The following GRIN2B variants were observed in gnomAD, a reference collection of about 807,000 sequenced individuals.
GRIN2B encodes the protein glutamate ionotropic receptor NMDA type subunit 2B, also known as glutamate receptor ionotropic, NMDA 2B.
In GRIN2B, 5 loss-of-function variants were observed where a neutral mutation model predicts 114.5. The ratio of observed to expected loss-of-function variants is 0.04; its 90% CI spans 0.02 to 0.09. The LOEUF (loss-of-function observed/expected upper bound fraction) is 0.09. GRIN2B is among the 10% of genes least tolerant of loss of function. The pLI, the probability that GRIN2B is intolerant of heterozygous loss-of-function variation, is 1.00. For synonymous variants in GRIN2B, 787 were observed against 745.1 expected (o/e 1.06, Z -0.92); for missense variants, 1,108 against 1,943.5 (o/e 0.57, Z 8.08).
At chr12:13,664,734 C>G (rs1750794381) in intron 5 of GRIN2B, among the ~76,000 whole-genome samples, 2 of 152,028 alleles carry the variant, frequency 1.3e-5, no homozygotes, top group South Asian at 4.1e-4. Context: ...TATGTAAGAT[C>G]TCAAAACTCC....
rs763445499 is a variant in GRIN2B, at chr12:13,563,932, A to G, written c.3306T>C (p.Phe1102=). ...RPASAKSRRE[F]DEIELAYRRR... is the part of the protein sequence containing the mutation. ...GACGGTAGGCCAGCTCGATCTCGTC[A>G]AACTCCCTGCGGGACTTGGCCGAGG... Residue 1102 remains phenylalanine (F), a synonymous_variant, in exon 14 of 14, where the codon TTT becomes TTC. Transcript: ENST00000609686. 51 of 1,614,148 alleles carry G rather than the reference A, an allele frequency of 3.2e-5. No homozygotes were observed. The highest frequency in any genetic ancestry group is 4.2e-5 in the Non-Finnish European group (49 of 1,180,032).
intron 5 of GRIN2B, among the ~76,000 whole-genome samples, chr12:13,638,298 C>CT (rs1233978715): frequency 1.3e-5 from 2 of 152,076 alleles, no homozygotes; most frequent in Non-Finnish European, 2.9e-5. Context: ...AGACTAGTCC[C>CT]TACAATACCT....
intron 10 of GRIN2B, among the ~76,000 whole-genome samples, chr12:13,583,314 G>T (rs142050954): frequency 9.9e-5 from 15 of 152,260 alleles, no homozygotes; most frequent in African/African-American, 3.6e-4. Context: ...CATAATTTAC[G>T]TATAGTAACT....
intron 2 of GRIN2B, among the ~76,000 whole-genome samples, chr12:13,932,178 G>C (rs1017122734): frequency 6.6e-6 from 1 of 151,974 alleles, no homozygotes; most frequent in Non-Finnish European, 1.5e-5. Context: ...TCTAGCTACT[G>C]CTCAAACATA....
At chr12:13,740,924 T>A (rs1482182654) in intron 4 of GRIN2B, among the ~76,000 whole-genome samples, 1 of 152,202 alleles carries the variant, frequency 6.6e-6, no homozygotes, top group Admixed American at 6.5e-5. Context: ...AGGTTCAGTG[T>A]GGGAAGTCTT....
intron 2 of GRIN2B, among the ~76,000 whole-genome samples, chr12:13,937,287 A>G (rs1867146568): frequency 6.6e-6 from 1 of 152,048 alleles, no homozygotes; most frequent in Non-Finnish European, 1.5e-5. Context: ...TTTGATTTTC[A>G]CTGACTTACA....
At chr12:13,962,226 G>A (rs543311504) in intron 2 of GRIN2B, among the ~76,000 whole-genome samples, 2 of 152,070 alleles carry the variant, frequency 1.3e-5, no homozygotes, top group African/African-American at 2.4e-5. Context: ...CAACTGCACC[G>A]AGGAACCAGG....
chr12:13,946,476 G>A (rs903546208), intron 2 of GRIN2B, among the ~76,000 whole-genome samples: 2 of 151,734 alleles, frequency 1.3e-5, no homozygotes, highest in Non-Finnish European at 2.9e-5. Flanking sequence ...TTATTGTAAT[G>A]TAATATATAG....
chr12:13,879,393 C>T (rs1397807952), intron 2 of GRIN2B, among the ~76,000 whole-genome samples: 2 of 151,938 alleles, frequency 1.3e-5, no homozygotes, highest in Non-Finnish European at 2.9e-5. Context: ...TCTTACAGAA[C>T]CACTGTCATT....
chr12:13,825,912 A>G (rs1407650678), intron 3 of GRIN2B, among the ~76,000 whole-genome samples: 2 of 152,264 alleles, frequency 1.3e-5, no homozygotes, highest in East Asian at 1.9e-4. Flanking sequence ...CAATCTGTCA[A>G]TATATGCCTT....
intron 4 of GRIN2B, among the ~76,000 whole-genome samples, chr12:13,752,398 TAG>T (rs1565524213): frequency 6.6e-6 from 1 of 152,234 alleles, no homozygotes; most frequent in Non-Finnish European, 1.5e-5. Flanking sequence ...TGTACATGCA[TAG>T]AGAGATATCT....
At chr12:13,640,538 C>A (rs1481423303) in intron 5 of GRIN2B, among the ~76,000 whole-genome samples, 1 of 152,130 alleles carries the variant, frequency 6.6e-6, no homozygotes, top group Non-Finnish European at 1.5e-5. Context: ...TATAGTTTGT[C>A]TTTGACTGGA....
chr12:13,758,792 G>A (rs997229945), intron 3 of GRIN2B, among the ~76,000 whole-genome samples: 7 of 152,108 alleles, frequency 4.6e-5, no homozygotes, highest in East Asian at 3.9e-4. Context: ...GCATGCCTCC[G>A]TCATCATACT....
At chr12:13,572,687 T>C (rs1010841360) in intron 10 of GRIN2B, among the ~76,000 whole-genome samples, 4 of 152,198 alleles carry the variant, frequency 2.6e-5, no homozygotes, top group East Asian at 1.9e-4. Context: ...CACCCTGCAA[T>C]GCGTAAGTCT....
chr12:13,752,803 T>C (rs1021471418), intron 4 of GRIN2B, among the ~76,000 whole-genome samples: 13 of 152,162 alleles, frequency 8.5e-5, no homozygotes, highest in African/African-American at 3.1e-4. Flanking sequence ...CGACTACAGA[T>C]CCGCATAACC....
At chr12:13,641,621 T>C (rs2136507744) in intron 5 of GRIN2B, among the ~76,000 whole-genome samples, 1 of 152,166 alleles carries the variant, frequency 6.6e-6, no homozygotes, top group East Asian at 1.9e-4. Context: ...GTCTCATCTA[T>C]GAACTTAATG....
At chr12:13,817,567 T>C (rs1864850498) in intron 3 of GRIN2B, among the ~76,000 whole-genome samples, 2 of 152,156 alleles carry the variant, frequency 1.3e-5, no homozygotes, top group African/African-American at 4.8e-5. Flanking sequence ...AAAAGCATTA[T>C]ACCTGAGAAG....
At chr12:13,909,564 C>A (rs1171932594) in intron 2 of GRIN2B, among the ~76,000 whole-genome samples, 2 of 152,210 alleles carry the variant, frequency 1.3e-5, no homozygotes, top group East Asian at 3.8e-4. Flanking sequence ...ATAACAGACA[C>A]AGGTACCACA....
At chr12:13,829,778 G>A (rs1231122694) in intron 3 of GRIN2B, among the ~76,000 whole-genome samples, 1 of 152,206 alleles carries the variant, frequency 6.6e-6, no homozygotes, top group Non-Finnish European at 1.5e-5. Flanking sequence ...TGAGTTCAGA[G>A]AGAAGGATAG....
Sources: allele counts gnomAD v4.1 joint callset (sites outside exome capture counted in the v4.1 genomes callset), GRCh38; gene constraint gnomAD v4.1.1; transcripts MANE v1.5; gene names NCBI Gene and HGNC (gene_info 2026-07-23, HGNC 2026-07-21).